Variants in STXBP5 observed in about 807,000 individuals in gnomAD.
STXBP5 encodes syntaxin-binding protein 5.
STXBP5 carries 50 observed loss-of-function variants against 152.4 expected under a neutral mutation model. The ratio of observed to expected loss-of-function variants is 0.33; its 90% CI spans 0.26 to 0.42. STXBP5 has a LOEUF of 0.42. STXBP5 is among the 10% of genes least tolerant of loss of function. STXBP5 has a pLI of 1.00. For synonymous variants in STXBP5, 492 were observed against 494.7 expected, an observed-to-expected ratio of 0.99 and a Z score of 0.07; for missense variants, 1,167 against 1,388.6, an observed-to-expected ratio of 0.84 and a Z score of 2.54.
At chr6:147,213,473 T>TGCGCGCGCGCGCGCGCGCGCGCGC (rs1402421132) in intron 2 of STXBP5, among the ~76,000 whole-genome samples, 1 of 126,426 alleles carries the variant, frequency 7.9e-6, no homozygotes, top group Non-Finnish European at 1.8e-5. Flanking sequence ...TGTGTGTGTG[T>TGCGCGCGCGCGCGCGCGCGCGCGC]GTGTGCGCGC....
chr6:147,330,611 T>G, intron 18 of STXBP5, among the ~76,000 whole-genome samples: 1 of 152,192 alleles, frequency 6.6e-6, no homozygotes, highest in East Asian at 1.9e-4. Context: ...AAATGATCAA[T>G]AGAAGTCAGC....
intron 2 of STXBP5, among the ~76,000 whole-genome samples, chr6:147,213,477 T>TGTGTGTGTGTGTGTGTGTGCGCGC: frequency 6.1e-5 from 8 of 131,320 alleles, no homozygotes; most frequent in African/African-American, 2.2e-4. Context: ...TGTGTGTGTG[T>TGTGTGTGTGTGTGTGTGTGCGCGC]GCGCGCGCAT....
At chr6:147,252,407 C>T (rs1264334549) in intron 4 of STXBP5, among the ~76,000 whole-genome samples, 1 of 151,916 alleles carries the variant, frequency 6.6e-6, no homozygotes, top group Non-Finnish European at 1.5e-5. Context: ...AGCTGAAAAG[C>T]ACAGCTTGAG....
At chr6:147,207,742 A>T (rs1457235065) in intron 2 of STXBP5, among the ~76,000 whole-genome samples, 1 of 152,186 alleles carries the variant, frequency 6.6e-6, no homozygotes. Flanking sequence ...GAATTAAATC[A>T]GCTATTTTTC....
chr6:147,284,056 T>G (rs1462171471), intron 8 of STXBP5, among the ~76,000 whole-genome samples: 1 of 152,198 alleles, frequency 6.6e-6, no homozygotes, highest in Non-Finnish European at 1.5e-5. Flanking sequence ...ATCCCAAATA[T>G]GCAAACTATT....
At chr6:147,255,286 T>A (rs1308139747) in intron 4 of STXBP5, among the ~76,000 whole-genome samples, 1 of 152,170 alleles carries the variant, frequency 6.6e-6, no homozygotes, top group East Asian at 1.9e-4. Flanking sequence ...GAAGTGAACA[T>A]GATACGCTGA....
chr6:147,372,634 C>T (rs1050759355), intron 25 of STXBP5, among the ~76,000 whole-genome samples: 5 of 151,396 alleles, frequency 3.3e-5, no homozygotes, highest in Non-Finnish European at 5.9e-5. Flanking sequence ...AGGGTTTCAC[C>T]ATGTTGGTCA....
At chr6:147,308,930 G>A (rs1289355175) in intron 9 of STXBP5, among the ~76,000 whole-genome samples, 4 of 152,024 alleles carry the variant, frequency 2.6e-5, no homozygotes, top group Non-Finnish European at 5.9e-5. Context: ...TCTTACTAAG[G>A]ATGTGCTGAG....
At chr6:147,266,228 C>T (rs1582865244) in intron 6 of STXBP5, among the ~76,000 whole-genome samples, 2 of 152,000 alleles carry the variant, frequency 1.3e-5, no homozygotes, top group East Asian at 1.9e-4. Context: ...GGTCATATTA[C>T]TGAATTTGCA....
At position 147,353,310 on chromosome 6, in the gene STXBP5, T is replaced by C. The variant is rs1438050466; in HGVS notation, c.2255-13T>C. Reference sequence around the variant, plus strand: ...TATTCTTCAGAATTTTAAAAATGTCTTTTATTTTTCAGCAAAGATGTCAAG... The same window carrying C: ...TATTCTTCAGAATTTTAAAAATGTCCTTTATTTTTCAGCAAAGATGTCAAG... On this transcript the variant is annotated splice_polypyrimidine_tract_variant and intron_variant, in intron 21 of 27. Transcript: ENST00000321680. The C allele has an allele frequency of 6.4e-7, 1 of 1,567,036 alleles. No individual in the cohort carries two copies. The highest frequency in any genetic ancestry group is 1.8e-5 in the Admixed American group (1 of 55,858).
chr6:147,235,501 C>G (rs1247562082), intron 3 of STXBP5, among the ~76,000 whole-genome samples, 170 bp downstream of exon 3: 7 of 152,098 alleles, frequency 4.6e-5, no homozygotes, highest in Non-Finnish European at 8.8e-5. Flanking sequence ...TGGACAGTTA[C>G]ATAAATAATG....
intron 2 of STXBP5, among the ~76,000 whole-genome samples, chr6:147,216,528 A>G (rs554141515): frequency 6.6e-6 from 1 of 152,324 alleles, no homozygotes; most frequent in African/African-American, 2.4e-5. Flanking sequence ...TTGGAAACTG[A>G]AATTTTATCT....
At chr6:147,363,779 G>T in intron 24 of STXBP5, 75 bp downstream of exon 24, 2 of 1,515,906 alleles carry the variant, frequency 1.3e-6, no homozygotes, top group South Asian at 2.7e-5. Context: ...TTGTTTAAAA[G>T]AAATGCTTTT....
chr6:147,290,333 C>T (rs1781215859), intron 8 of STXBP5, among the ~76,000 whole-genome samples: 1 of 151,998 alleles, frequency 6.6e-6, no homozygotes, highest in Admixed American at 6.6e-5. Flanking sequence ...AAAAATAAAG[C>T]TGTGAAAGAG....
chr6:147,323,389 ATTC>A (rs1269130684), intron 16 of STXBP5, among the ~76,000 whole-genome samples: 1 of 150,952 alleles, frequency 6.6e-6, no homozygotes, highest in African/African-American at 2.4e-5. Context: ...TTGGCCTTTA[ATTC>A]TTCTTTTTTT....
chr6:147,307,922 C>T (rs970272743), intron 9 of STXBP5, among the ~76,000 whole-genome samples: 2 of 152,096 alleles, frequency 1.3e-5, no homozygotes, highest in African/African-American at 4.8e-5. Flanking sequence ...GTCACCTACC[C>T]GGTTTGATCT....
At chr6:147,213,691 G>A (rs1305488404) in intron 2 of STXBP5, among the ~76,000 whole-genome samples, 3 of 151,746 alleles carry the variant, frequency 2.0e-5, no homozygotes, top group Non-Finnish European at 2.9e-5. Context: ...ATTTGTTTTC[G>A]ATGTTTAAAT....
At chr6:147,276,192 C>A (rs968695025) in intron 7 of STXBP5, among the ~76,000 whole-genome samples, 1 of 152,088 alleles carries the variant, frequency 6.6e-6, no homozygotes, top group Non-Finnish European at 1.5e-5. Context: ...TAATACTATG[C>A]ACTACATATA....
At chr6:147,236,960 T>C (rs1310080471) in intron 3 of STXBP5, among the ~76,000 whole-genome samples, 1 of 152,030 alleles carries the variant, frequency 6.6e-6, no homozygotes, top group Middle Eastern at 3.2e-3. Flanking sequence ...GTATTTTTAG[T>C]AGAGACAGGG....
Sources: allele counts gnomAD v4.1 joint callset (sites outside exome capture counted in the v4.1 genomes callset), GRCh38; gene constraint gnomAD v4.1.1; transcripts MANE v1.5; gene names NCBI Gene and HGNC (gene_info 2026-07-23, HGNC 2026-07-21).